Variants in GLRA2 observed in about 807,000 individuals in gnomAD.
The protein encoded by GLRA2 is glycine receptor alpha 2.
In GLRA2, 11 loss-of-function variants were observed where a neutral mutation model predicts 31.6. That is an observed-to-expected ratio of 0.35 (90% CI 0.22 to 0.58). GLRA2 has a LOEUF of 0.58. Ranked by LOEUF, GLRA2 falls within the 20% of genes least tolerant of loss-of-function variation. The pLI is 0.84. For missense variants in GLRA2, 212 were observed against 351.8 expected (o/e 0.60, Z 3.18); for synonymous variants, 132 against 134.0 (o/e 0.99, Z 0.10).
At chrX:14,458,092 A>G in the GLRA2 span, among the ~76,000 whole-genome samples, 786 of 109,602 alleles carry the variant, frequency 7.2e-3, 4 homozygotes, top group African/African-American at 0.025. Context: ...TCATTCTTCA[A>G]TCCCCACCTA....
chrX:14,639,274 A>C (rs1315845413), intron 7 of GLRA2, among the ~76,000 whole-genome samples: 1 of 111,629 alleles, frequency 9.0e-6, no homozygotes, highest in African/African-American at 3.3e-5. Context: ...CAGTGCTGAG[A>C]AATATGACAC....
chrX:14,538,096 C>T (rs1376225690), intron 2 of GLRA2, among the ~76,000 whole-genome samples: 1 of 109,764 alleles, frequency 9.1e-6, no homozygotes, highest in South Asian at 4.0e-4. Flanking sequence ...CTAATGCACC[C>T]TGGTAAAGCA....
intron 2 of GLRA2, among the ~76,000 whole-genome samples, chrX:14,560,068 A>G (rs2089706447): frequency 9.0e-6 from 1 of 111,470 alleles, no homozygotes; most frequent in Admixed American, 9.5e-5. Context: ...TTAACTCTAC[A>G]TCTTCCTGCT....
chrX:14,575,982 C>G (rs755517495), intron 3 of GLRA2, among the ~76,000 whole-genome samples: 5 of 109,216 alleles, frequency 4.6e-5, no homozygotes, highest in Non-Finnish European at 9.5e-5. Flanking sequence ...TTTGATAAAA[C>G]CAAAATCAAG....
At chrX:14,474,759 T>C in the GLRA2 span, among the ~76,000 whole-genome samples, 1 of 108,929 alleles carries the variant, frequency 9.2e-6, no homozygotes. Flanking sequence ...GCCTCTCCCC[T>C]TATAGTTTCT....
chrX:14,458,094 C>T, the GLRA2 span, among the ~76,000 whole-genome samples: 1 of 108,759 alleles, frequency 9.2e-6, no homozygotes, highest in African/African-American at 3.3e-5. Flanking sequence ...ATTCTTCAAT[C>T]CCCACCTATG....
chrX:14,508,335 G>C, the GLRA2 span, among the ~76,000 whole-genome samples: 2 of 112,279 alleles, frequency 1.8e-5, no homozygotes, highest in Non-Finnish European at 3.8e-5. Context: ...GACTGTAGTA[G>C]AAAGAAAACG....
Position 14,716,589 on chromosome X carries a change from A to G in GLRA2, c.1081-13618A>G, listed in dbSNP as rs373694792. 1.3e-3 allele frequency among the ~76,000 whole-genome samples: 149 copies of G among 111,524 alleles called. No homozygotes were observed. The Middle Eastern group carries it at 0.014, about 10-fold the overall frequency. On this transcript the variant is annotated intron_variant, in intron 8 of 8. Coordinates refer to ENST00000218075, the MANE Select transcript of GLRA2 (RefSeq NM_002063.4). Reference sequence around the variant, plus strand: ...TTTTCTGTGTCCTTACTTAGAATTAAGAGGATCACTACAAACACAATTATT... The same window carrying G: ...TTTTCTGTGTCCTTACTTAGAATTAGGAGGATCACTACAAACACAATTATT...
chrX:14,716,099 C>T (rs143288349), intron 8 of GLRA2, among the ~76,000 whole-genome samples: 17 of 110,873 alleles, frequency 1.5e-4, no homozygotes, highest in African/African-American at 5.6e-4. Flanking sequence ...GGTCTCAGGG[C>T]CGGGGTTGAA....
At chrX:14,565,917 A>C (rs1002670266) in intron 2 of GLRA2, among the ~76,000 whole-genome samples, 1 of 111,854 alleles carries the variant, frequency 8.9e-6, no homozygotes, top group African/African-American at 3.2e-5. Flanking sequence ...TTGAAGAACT[A>C]GAATAAGAAG....
chrX:14,475,714 A>G, the GLRA2 span, among the ~76,000 whole-genome samples: 1 of 111,603 alleles, frequency 9.0e-6, no homozygotes, highest in Non-Finnish European at 1.9e-5. Context: ...ACACACACAC[A>G]TATATGTAAA....
intron 4 of GLRA2, among the ~76,000 whole-genome samples, chrX:14,596,003 A>G (rs1034644163): frequency 8.9e-6 from 1 of 111,833 alleles, no homozygotes; most frequent in African/African-American, 3.3e-5. Flanking sequence ...ATACTAAGTT[A>G]CAGCCCAGAT....
the GLRA2 span, among the ~76,000 whole-genome samples, chrX:14,464,803 C>T: frequency 8.9e-6 from 1 of 111,834 alleles, no homozygotes; most frequent in Admixed American, 9.5e-5. Flanking sequence ...GATCTGCCCA[C>T]CTCGGCCTCC....
At chrX:14,651,003 AT>A (rs1201933208) in intron 7 of GLRA2, among the ~76,000 whole-genome samples, 1 of 112,048 alleles carries the variant, frequency 8.9e-6, no homozygotes, top group Non-Finnish European at 1.9e-5. Context: ...GAAAAGGGGA[AT>A]TTTCCTATGT....
At chrX:14,678,066 G>A (rs113786820) in intron 7 of GLRA2, among the ~76,000 whole-genome samples, 1,282 of 111,805 alleles carry the variant, frequency 0.011, 7 homozygotes, top group Middle Eastern at 0.056. Flanking sequence ...ATCTCCAGAC[G>A]TTGCCAAATG....
chrX:14,548,752 G>A (rs914341244), intron 2 of GLRA2, among the ~76,000 whole-genome samples: 1 of 111,697 alleles, frequency 9.0e-6, no homozygotes, highest in Admixed American at 9.5e-5. Context: ...AACCAAAGGC[G>A]CATAAATCAT....
intron 8 of GLRA2, among the ~76,000 whole-genome samples, chrX:14,701,114 A>G: frequency 9.0e-6 from 1 of 110,996 alleles, no homozygotes; most frequent in African/African-American, 3.3e-5. Context: ...TTCAGAGAAT[A>G]AAGAGGGAGG....
chrX:14,633,055 A>G (rs760765845), intron 7 of GLRA2, among the ~76,000 whole-genome samples: 1 of 112,107 alleles, frequency 8.9e-6, no homozygotes, highest in Admixed American at 9.5e-5. Context: ...ACAAATGAGC[A>G]TGGTTATGTT....
chrX:14,696,403 A>C (rs1226323192), intron 8 of GLRA2, among the ~76,000 whole-genome samples: 1 of 111,686 alleles, frequency 9.0e-6, no homozygotes, highest in Non-Finnish European at 1.9e-5. Flanking sequence ...GACAAAGATA[A>C]GGTTATGATC....
Sources: allele counts gnomAD v4.1 joint callset (sites outside exome capture counted in the v4.1 genomes callset), GRCh38; gene constraint gnomAD v4.1.1; transcripts MANE v1.5; gene names NCBI Gene and HGNC (gene_info 2026-07-23, HGNC 2026-07-21).